Variants in ADCYAP1R1 observed in about 807,000 individuals in gnomAD.
The protein encoded by ADCYAP1R1 is pituitary adenylate cyclase-activating polypeptide type I receptor.
In ADCYAP1R1, 44 loss-of-function variants were observed where a neutral mutation model predicts 67.6. The ratio of observed to expected loss-of-function variants is 0.65; its 90% CI spans 0.51 to 0.84. The LOEUF is 0.84. ADCYAP1R1 is among the 40% of genes least tolerant of loss of function. ADCYAP1R1 has a pLI of 0.00. For missense variants in ADCYAP1R1, 477 were observed against 587.9 expected (o/e 0.81, Z 1.95); for synonymous variants, 222 against 219.6 (o/e 1.01, Z -0.10).
intron 3 of ADCYAP1R1, among the ~76,000 whole-genome samples, chr7:31,073,493 G>A (rs2128622414): frequency 6.6e-6 from 1 of 152,328 alleles, no homozygotes; most frequent in South Asian, 2.1e-4. Flanking sequence ...CGTACTGTGT[G>A]TGAGTGGAAG....
chr7:31,100,329 T>G, intron 13 of ADCYAP1R1: 3 of 713,536 alleles, frequency 4.2e-6, no homozygotes, highest in Non-Finnish European at 4.3e-6. Flanking sequence ...CCCCAACCCA[T>G]TCCCGGCTGT....
chr7:31,081,408 C>T (rs937405516), intron 5 of ADCYAP1R1, among the ~76,000 whole-genome samples: 14 of 152,134 alleles, frequency 9.2e-5, no homozygotes, highest in Admixed American at 7.2e-4. Flanking sequence ...TTCTCCCATT[C>T]CTCTCCATTC....
chr7:31,096,331 C>A (rs1443587010), intron 13 of ADCYAP1R1, among the ~76,000 whole-genome samples: 3 of 152,092 alleles, frequency 2.0e-5, no homozygotes, highest in Admixed American at 6.5e-5. Flanking sequence ...TGTGCCGGGG[C>A]CAGGCAGAAG....
At chr7:31,106,358 G>A in intron 15 of ADCYAP1R1, 138 bp from the exon 16 acceptor site, 4 of 1,058,602 alleles carry the variant, frequency 3.8e-6, no homozygotes, top group Non-Finnish European at 5.3e-6. Context: ...GACCTTGAGG[G>A]CCGCAGGCTG....
chr7:31,068,378 G>A (rs1794839021), intron 3 of ADCYAP1R1, among the ~76,000 whole-genome samples: 1 of 152,166 alleles, frequency 6.6e-6, no homozygotes, highest in South Asian at 2.1e-4. Context: ...GGAAGGTGGA[G>A]CCAAGCTGTG....
In ADCYAP1R1 at chr7:31,108,945, A is replaced by G. The variant is rs1363231106; in HGVS notation, c.*2261A>G. ...ATGATGTATAGATGCAGTCATATATACCTTGCTGGGGTGGGGTGCCACCTC... is the reference window on the plus strand; with the variant it reads ...ATGATGTATAGATGCAGTCATATATGCCTTGCTGGGGTGGGGTGCCACCTC... On this transcript the variant is annotated 3_prime_UTR_variant, in exon 16 of 16. Coordinates refer to ENST00000304166, the MANE Select transcript of ADCYAP1R1 (RefSeq NM_001118.5). 3 of 152,188 alleles carry G rather than the reference A, an allele frequency of 2.0e-5. No homozygotes were observed. Among genetic ancestry groups the G allele is most frequent in the Non-Finnish European group, 4.4e-5 (3 of 68,034 alleles). The allele number at this position is 152,188 out of a possible 1,614,324, so 9.4% of individuals were successfully genotyped here. A position where few individuals can be genotyped will look rare whatever the true frequency, so the allele number is the denominator to read the frequency against.
intron 1 of ADCYAP1R1, among the ~76,000 whole-genome samples, chr7:31,061,848 G>A (rs1199174175): frequency 2.6e-5 from 4 of 152,160 alleles, no homozygotes; most frequent in African/African-American, 9.7e-5. Flanking sequence ...GGGGGTGTGC[G>A]AAGACTAATG....
chr7:31,095,927 CA>C (rs2128635959), intron 13 of ADCYAP1R1, among the ~76,000 whole-genome samples: 1 of 152,220 alleles, frequency 6.6e-6, no homozygotes, highest in South Asian at 2.1e-4. Context: ...TGGCTGGGGA[CA>C]GGACTTGGGC....
At chr7:31,064,538 A>G (rs1002815427) in intron 2 of ADCYAP1R1, among the ~76,000 whole-genome samples, 2 of 152,242 alleles carry the variant, frequency 1.3e-5, no homozygotes, top group Admixed American at 6.5e-5. Flanking sequence ...ATGCATGCAC[A>G]GAGTGAAGTG....
chr7:31,066,824 C>T (rs141274569), intron 3 of ADCYAP1R1, among the ~76,000 whole-genome samples: 1,935 of 152,256 alleles, frequency 0.013, 19 homozygotes, highest in Middle Eastern at 0.037. Flanking sequence ...GAGGGACAGA[C>T]GAATGGGTGA....
chr7:31,082,980 C>T (rs1320616552), intron 6 of ADCYAP1R1, among the ~76,000 whole-genome samples: 1 of 152,280 alleles, frequency 6.6e-6, no homozygotes, highest in African/African-American at 2.4e-5. Context: ...CTCTGCCTCC[C>T]ACAGAGGCTG....
In ADCYAP1R1 at chr7:31,087,505, C is replaced by G. The variant is rs1795798939; in HGVS notation, c.885-122C>G. The G allele has an allele frequency of 1.2e-5, 10 of 825,756 alleles. No homozygotes were observed. In the South Asian group the frequency reaches 1.3e-4, roughly 11 times the overall value. 51.2% of individuals were successfully genotyped at this position (825,756 alleles called of 1,614,324 possible). A position where few individuals can be genotyped will look rare whatever the true frequency, so the allele number is the denominator to read the frequency against. ...CTGGAGAGCTCTTGTTCCAGCCAGC[C>G]CCTCCTCAGAGAGCTGCGGTGGTGA... On this transcript the variant is annotated intron_variant, in intron 11 of 15. Coordinates refer to ENST00000304166, the MANE Select transcript of ADCYAP1R1 (RefSeq NM_001118.5).
chr7:31,103,367 G>A lies in ADCYAP1R1; in HGVS notation c.1176+1G>A. The A allele has an allele frequency of 6.2e-7, 1 of 1,614,208 alleles. No individual in the cohort carries two copies. Among genetic ancestry groups the A allele is most frequent in the Non-Finnish European group, 8.5e-7 (1 of 1,180,036 alleles). On this transcript the variant is annotated splice_donor_variant, in intron 14 of 15. Transcript: ENST00000304166. LOFTEE classifies it high-confidence loss of function. ...TGAGCTGGGGCTGGGCTCCTTCCAG[G>A]TAGGTGTGGCACATGGGGAGGACAG...
At position 31,087,779 on chromosome 7, in the gene ADCYAP1R1, C is replaced by T. The variant is rs1795812342; in HGVS notation, c.954+83C>T. 4.6e-6 allele frequency: 5 copies of T among 1,098,120 alleles called. No homozygotes were observed. The Admixed American group carries it at 1.0e-4, about 22-fold the overall frequency. The allele number at this position is 1,098,120 out of a possible 1,614,324, so 68.0% of individuals were successfully genotyped here. A position where few individuals can be genotyped will look rare whatever the true frequency, so the allele number is the denominator to read the frequency against. On this transcript the variant is annotated intron_variant, in intron 12 of 15. Coordinates refer to ENST00000304166, the MANE Select transcript of ADCYAP1R1 (RefSeq NM_001118.5). Reference sequence around the variant, plus strand: ...CGCGAGGAAGAGAAATGAAAGAGTCCCCACACAACCTGACTTCCTCCTCTG... The same window carrying T: ...CGCGAGGAAGAGAAATGAAAGAGTCTCCACACAACCTGACTTCCTCCTCTG...
rs889034526 is a variant in ADCYAP1R1, at chr7:31,111,341, C to T, written c.*4657C>T. The stretch of plus-strand genomic sequence containing the variant: ...CTGGACCAGCCTGGGTTTCATCTCC[C>T]ACAGTAAAGCTAAGTAAGCCCCACA... On this transcript the variant is annotated 3_prime_UTR_variant, in exon 16 of 16. Coordinates refer to ENST00000304166, the MANE Select transcript of ADCYAP1R1 (RefSeq NM_001118.5). The T allele has an allele frequency of 7.9e-5, 12 of 152,202 alleles. No individual in the cohort carries two copies. The highest frequency in any genetic ancestry group is 2.9e-4 in the African/African-American group (12 of 41,424). 9.4% of individuals were successfully genotyped at this position (152,202 alleles called of 1,614,324 possible). A position where few individuals can be genotyped will look rare whatever the true frequency, so the allele number is the denominator to read the frequency against.
Position 31,052,507 on chromosome 7 carries a change from G to A in ADCYAP1R1, c.-243G>A, listed in dbSNP as rs914413371. ...GCACACGCACACGCCGCCGCGCAGG[G>A]ACACACGGACCCCGGCCGCCAGCCG... On this transcript the variant is annotated 5_prime_UTR_variant, in exon 1 of 16. Transcript: ENST00000304166. The A allele has an allele frequency of 6.6e-6, 1 of 150,530 alleles. No individual in the cohort carries two copies. Among genetic ancestry groups the A allele is most frequent in the Admixed American group, 6.6e-5 (1 of 15,108 alleles). The allele number at this position is 150,530 out of a possible 1,614,324, so 9.3% of individuals were successfully genotyped here.
At chr7:31,103,082 G>C (rs898579250) in intron 13 of ADCYAP1R1, among the ~76,000 whole-genome samples, 155 bp from the exon 14 acceptor site, 1 of 152,192 alleles carries the variant, frequency 6.6e-6, no homozygotes, top group Non-Finnish European at 1.5e-5. Context: ...GGCAGCCCAG[G>C]CCACTTGTAC....
Position 31,107,678 on chromosome 7 carries a change from T to C in ADCYAP1R1, c.*994T>C, listed in dbSNP as rs1796702897. The C allele has an allele frequency of 6.6e-6, 1 of 152,128 alleles. No homozygotes were observed. The highest frequency in any genetic ancestry group is 2.4e-5 in the African/African-American group (1 of 41,334). 9.4% of individuals were successfully genotyped at this position (152,128 alleles called of 1,614,324 possible). On this transcript the variant is annotated 3_prime_UTR_variant, in exon 16 of 16. Coordinates refer to ENST00000304166, the MANE Select transcript of ADCYAP1R1 (RefSeq NM_001118.5). ...ATGTACCAGCCACCTGCCTCTGATG[T>C]CGGCGAATCCTGAAGCACCTGCACC...
chr7:31,091,121 G>T (rs181948898), intron 12 of ADCYAP1R1, among the ~76,000 whole-genome samples: 198 of 152,334 alleles, frequency 1.3e-3, no homozygotes, highest in Middle Eastern at 3.4e-3. Context: ...TCTGACTGGT[G>T]TGAGATGGTA....
Sources: allele counts gnomAD v4.1 joint callset (sites outside exome capture counted in the v4.1 genomes callset), GRCh38; gene constraint gnomAD v4.1.1; transcripts MANE v1.5; gene names NCBI Gene and HGNC (gene_info 2026-07-23, HGNC 2026-07-21).